PRRC2C: variants seen among roughly 807,000 people sequenced by gnomAD.
The protein encoded by PRRC2C is protein PRRC2C.
A neutral mutation model predicts 317.2 loss-of-function variants in PRRC2C; 72 were observed. That is an observed-to-expected ratio of 0.23 (90% CI 0.19 to 0.28). PRRC2C has a LOEUF of 0.28. Among genes scored for constraint, PRRC2C ranks in the 10% least tolerant of loss-of-function variants. The pLI is 1.00. For missense variants in PRRC2C, 3,074 were observed against 3,459.7 expected, an observed-to-expected ratio of 0.89 and a Z score of 2.80; for synonymous variants, 1,296 against 1,205.9, an observed-to-expected ratio of 1.07 and a Z score of -1.55.
intron 27 of PRRC2C, 145 bp downstream of exon 27, chr1:171,579,611 T>G: frequency 7.1e-7 from 1 of 1,410,016 alleles, no homozygotes; most frequent in South Asian, 1.7e-5. Context: ...ATTTAAAATT[T>G]TTCCCAAATT....
At chr1:171,556,503 G>T (rs567523647) in intron 18 of PRRC2C, among the ~76,000 whole-genome samples, 1 of 152,166 alleles carries the variant, frequency 6.6e-6, no homozygotes. Context: ...CGTCTTCTGC[G>T]TCAATCACAC....
chr1:171,553,218 A>G (rs1210701712), intron 18 of PRRC2C, among the ~76,000 whole-genome samples: 2 of 151,976 alleles, frequency 1.3e-5, no homozygotes, highest in Non-Finnish European at 2.9e-5. Context: ...GAATTTATCC[A>G]TTTCTTCTAG....
At chr1:171,487,053 A>G (rs1402814299) in intron 1 of PRRC2C, among the ~76,000 whole-genome samples, 2 of 152,094 alleles carry the variant, frequency 1.3e-5, no homozygotes, top group African/African-American at 2.4e-5. Flanking sequence ...CTGTAAGTGG[A>G]TTTTCAGAAT....
intron 18 of PRRC2C, among the ~76,000 whole-genome samples, chr1:171,555,019 G>A (rs952137960): frequency 5.9e-5 from 9 of 152,178 alleles, no homozygotes; most frequent in African/African-American, 1.9e-4. Context: ...GCCTTGCTAG[G>A]TTGGGGAAGT....
intron 11 of PRRC2C, among the ~76,000 whole-genome samples, chr1:171,528,285 A>AT (rs1675050126): frequency 6.9e-6 from 1 of 145,656 alleles, no homozygotes; most frequent in Non-Finnish European, 1.5e-5. Flanking sequence ...CCATCAGTGA[A>AT]ATTTTTTTTT....
At chr1:171,562,805 G>A (rs1682949047) in intron 20 of PRRC2C, among the ~76,000 whole-genome samples, 1 of 152,150 alleles carries the variant, frequency 6.6e-6, no homozygotes, top group African/African-American at 2.4e-5. Context: ...TGAATTTGAA[G>A]TCATTAGCAT....
chr1:171,543,758 T>C (rs1320916028), intron 16 of PRRC2C, among the ~76,000 whole-genome samples: 1 of 152,210 alleles, frequency 6.6e-6, no homozygotes, highest in Non-Finnish European at 1.5e-5. Context: ...ACCTGAGATC[T>C]GGTAATTTAT....
intron 1 of PRRC2C, among the ~76,000 whole-genome samples, chr1:171,506,561 G>T (rs1419311709): frequency 1.4e-5 from 2 of 146,166 alleles, no homozygotes; most frequent in African/African-American, 2.5e-5. Context: ...ATTACACATA[G>T]ATTAGGCTGT....
At position 171,514,620 on chromosome 1, in the gene PRRC2C, T is replaced by C. The variant is rs1004733992; in HGVS notation, c.375T>C (p.Ser125=). The C allele has an allele frequency of 1.3e-6, 2 of 1,558,184 alleles. No individual in the cohort carries two copies. Among genetic ancestry groups the C allele is most frequent in the South Asian group, 1.2e-5 (1 of 84,290 alleles). ...EVAPAPKSWA[S]NKQGGQGDGI... ...CACCTGCTCCCAAATCATGGGCCAG[T>C]AACAAGCAAGGTGGGCAAGGAGATG... Residue 125 remains serine (S), a synonymous_variant, in exon 4 of 35, where the codon AGT becomes AGC. Coordinates refer to ENST00000647382, the MANE Select transcript of PRRC2C (RefSeq NM_001387844.1).
chr1:171,586,212 A>G, intron 30 of PRRC2C, among the ~76,000 whole-genome samples: 1 of 150,476 alleles, frequency 6.6e-6, no homozygotes, highest in South Asian at 2.1e-4. Context: ...ACAGGCACCC[A>G]CCACCATGCC....
chr1:171,491,789 G>A (rs529693265), intron 1 of PRRC2C, among the ~76,000 whole-genome samples: 3 of 152,124 alleles, frequency 2.0e-5, no homozygotes, highest in Non-Finnish European at 4.4e-5. Context: ...AAAGAAGAGT[G>A]ATAAGAGTAA....
At position 171,593,140 on chromosome 1, in the gene PRRC2C, T is replaced by G. The variant is rs1266290327; in HGVS notation, c.*1293T>G. The stretch of plus-strand genomic sequence containing the variant: ...TTGTTTTTTACCTTTTTCCCCCCTT[T>G]TTTTTAAATGGAGTGTGCTGGATGT... On this transcript the variant is annotated 3_prime_UTR_variant, in exon 35 of 35. Transcript: ENST00000647382. The G allele has an allele frequency of 1.3e-5, 2 of 151,778 alleles. No individual in the cohort carries two copies. The highest frequency in any genetic ancestry group is 6.6e-5 in the Admixed American group (1 of 15,242). 9.4% of individuals were successfully genotyped at this position (151,778 alleles called of 1,614,324 possible).
At chr1:171,581,150 C>T (rs1254878935) in intron 28 of PRRC2C, among the ~76,000 whole-genome samples, 1 of 152,150 alleles carries the variant, frequency 6.6e-6, no homozygotes. Context: ...CCTCATTTTA[C>T]TCTCATTTAA....
chr1:171,571,619 A>T (rs1468724875), intron 24 of PRRC2C, among the ~76,000 whole-genome samples, 198 bp downstream of exon 24: 2 of 152,170 alleles, frequency 1.3e-5, no homozygotes, highest in African/African-American at 4.8e-5. Flanking sequence ...ATATCCTCAT[A>T]TTTAAAGTGA....
intron 30 of PRRC2C, among the ~76,000 whole-genome samples, chr1:171,586,400 A>C (rs771561467): frequency 1.3e-5 from 2 of 150,726 alleles, no homozygotes; most frequent in South Asian, 2.1e-4. Flanking sequence ...CTTGGTGTCA[A>C]ATTCTCTACT....
rs772042594 is a variant in PRRC2C, at chr1:171,532,520, C to A, written c.1432C>A (p.Gln478Lys). ...AGAGGAAGAGCGAAGAATGGAAGAA[C>A]AAAGGAAGGCAGCTTGTGCGGAGAA... ...REEEERRMEE[Q>K]RKAACAEKLK... The change falls in exon 12 of 35, where the codon CAA becomes AAA. Residue 478 changes from glutamine to lysine, a missense_variant. By Grantham distance (53) the Gln-to-Lys change is moderately conservative. Coordinates refer to ENST00000647382, the MANE Select transcript of PRRC2C (RefSeq NM_001387844.1). 5.6e-6 allele frequency: 9 copies of A among 1,604,584 alleles called. No individual in the cohort carries two copies. The South Asian group carries it at 9.0e-5, about 16-fold the overall frequency.
intron 19 of PRRC2C, 94 bp downstream of exon 19, chr1:171,558,237 A>G (rs1681823792): frequency 1.5e-6 from 2 of 1,358,592 alleles, no homozygotes; most frequent in East Asian, 5.3e-5. Context: ...AGTGTTTTCT[A>G]GCCATCTCAT....
rs1361056444 is a variant in PRRC2C, at chr1:171,532,723, A to G, written c.1635A>G (p.Lys545=). 6.5e-7 allele frequency: 1 copy of G among 1,548,846 alleles called. No individual in the cohort carries two copies. The highest frequency in any genetic ancestry group is 8.7e-7 in the Non-Finnish European group (1 of 1,146,620). ...KDRERQQEKE[K]ELEKEQEKQR... The stretch of plus-strand genomic sequence containing the variant: ...GAGAGAGACAGCAGGAAAAGGAGAA[A>G]GAGCTGGAGAAGGAGCAGGAAAAAC... Residue 545 remains lysine, a synonymous_variant, in exon 12 of 35, where the codon AAA becomes AAG. Coordinates refer to ENST00000647382, the MANE Select transcript of PRRC2C (RefSeq NM_001387844.1).
At chr1:171,561,694 GAAAAT>G (rs1199159634) in intron 20 of PRRC2C, among the ~76,000 whole-genome samples, 5 of 152,132 alleles carry the variant, frequency 3.3e-5, no homozygotes, top group Non-Finnish European at 5.9e-5. Context: ...TAATGAAACA[GAAAAT>G]AAAAGTGCAA....
Sources: gnomAD v4.1 joint callset for allele counts (sites outside exome capture counted in the v4.1 genomes callset) on GRCh38, gnomAD v4.1.1 for gene constraint, MANE v1.5 for transcripts, NCBI Gene and HGNC (gene_info 2026-07-23, HGNC 2026-07-21) for gene names.